RASA3: variants seen among roughly 807,000 people sequenced by gnomAD.
RASA3 encodes the protein RAS p21 protein activator 3, also known as ras GTPase-activating protein 3.
Under a neutral mutation model 110.0 loss-of-function variants are expected in RASA3, and 73 were observed. The ratio of observed to expected loss-of-function variants is 0.66; its 90% CI spans 0.55 to 0.81. The LOEUF (loss-of-function observed/expected upper bound fraction) is 0.81. Among genes scored for constraint, RASA3 ranks in the 30% least tolerant of loss-of-function variants. The pLI is 0.00. For missense variants in RASA3, 976 were observed against 1,113.2 expected (o/e 0.88, Z 1.75); for synonymous variants, 500 against 451.4 (o/e 1.11, Z -1.37).
chr13:113,991,962 T>C (rs952474826), intron 22 of RASA3, among the ~76,000 whole-genome samples: 1 of 151,736 alleles, frequency 6.6e-6, no homozygotes, highest in African/African-American at 2.4e-5. Context: ...CTCACACACG[T>C]CCATTCATGC....
rs775215983 is a variant in RASA3 at position 113,996,693 on chromosome 13, T to C, written c.1979A>G (p.Asn660Ser). 15 of 1,613,832 alleles carry C rather than the reference T, an allele frequency of 9.3e-6. No homozygotes were observed. The African/African-American group carries it at 1.6e-4, about 17-fold the overall frequency. The change falls in exon 21 of 24, where the codon AAC becomes AGC. Residue 660 changes from asparagine to serine, a missense_variant. Around this residue, in one of 4 missense-constraint regions of RASA3, gnomAD observed 109 missense variants for 162.5 expected, o/e 0.67. Coordinates refer to ENST00000334062, the MANE Select transcript of RASA3 (RefSeq NM_007368.4). ...CCAGTCCTTGGCCTCCACGCAGTTGTTGGCCTGGATGTACAGCGCACGCTC... is the reference window on the plus strand; with the variant it reads ...CCAGTCCTTGGCCTCCACGCAGTTGCTGGCCTGGATGTACAGCGCACGCTC... ...QPERALYIQA[N>S]NCVEAKDWID...
intron 18 of RASA3, among the ~76,000 whole-genome samples, chr13:114,002,011 C>T (rs369836046): frequency 1.3e-5 from 2 of 152,268 alleles, no homozygotes; most frequent in African/African-American, 4.8e-5. Context: ...GCAGGGTCCT[C>T]GAACACCCTC....
chr13:114,046,401 C>T (rs540394381), intron 3 of RASA3, among the ~76,000 whole-genome samples: 5 of 152,324 alleles, frequency 3.3e-5, no homozygotes, highest in African/African-American at 1.2e-4. Flanking sequence ...GGGGTGTTGA[C>T]AGTCTCAGCC....
intron 3 of RASA3, among the ~76,000 whole-genome samples, chr13:114,043,170 C>T (rs2054451587): frequency 6.6e-6 from 1 of 152,202 alleles, no homozygotes; most frequent in African/African-American, 2.4e-5. Context: ...TCAGCACCAG[C>T]TCCAGACCCT....
At chr13:114,040,813 C>T (rs1326636350) in intron 4 of RASA3, among the ~76,000 whole-genome samples, 187 bp downstream of exon 4, 1 of 151,920 alleles carries the variant, frequency 6.6e-6, no homozygotes, top group Non-Finnish European at 1.5e-5. Context: ...CACGCACAAC[C>T]CAAAATCCAT....
chr13:114,007,747 C>G (rs912849524), intron 17 of RASA3, 141 bp from the exon 18 acceptor site: 2 of 718,570 alleles, frequency 2.8e-6, no homozygotes, highest in Middle Eastern at 6.9e-4. Flanking sequence ...AGTCCTTCCC[C>G]GAGGGCTGTG....
rs760137044 is a variant in RASA3 at position 114,018,913 on chromosome 13, G to A, written c.792C>T (p.Phe264=). Residue 264 remains phenylalanine (F), a synonymous_variant, in exon 10 of 24, where the codon TTC becomes TTT. Transcript: ENST00000334062. ...RQSSSYEAWY[F]LQPRDNGSKS... ...TGCTACCATTGTCCCGGGGCTGGAG[G>A]AAGTACCTGGGTGGGAGGGACACAT... is the stretch of plus-strand genomic sequence containing the variant. The A allele has an allele frequency of 5.6e-6, 9 of 1,613,584 alleles. No homozygotes were observed. The highest frequency in any genetic ancestry group is 2.7e-5 in the African/African-American group (2 of 74,928).
intron 1 of RASA3, among the ~76,000 whole-genome samples, chr13:114,097,680 T>C (rs2079963942): frequency 6.6e-6 from 1 of 152,218 alleles, no homozygotes; most frequent in Admixed American, 6.5e-5. Flanking sequence ...TCCCAGTCCA[T>C]CTTACAGAAT....
chr13:114,002,161 G>A lies in RASA3; in HGVS notation c.1743-1229C>T, dbSNP rs1364317799. On this transcript the variant is annotated intron_variant, in intron 18 of 23. Transcript: ENST00000334062. ...CAGAGGTGGAAGCTGAGGACGAGAA[G>A]CCAAGCTGGAGAGACAGAGTGGGGA... Among the ~76,000 whole-genome samples the A allele has an allele frequency of 2.6e-5, 4 of 152,260 alleles. No homozygotes were observed. In the East Asian group the frequency reaches 7.7e-4, roughly 29 times the overall value.
chr13:114,107,264 G>A (rs9590438), intron 1 of RASA3, among the ~76,000 whole-genome samples: 6 of 152,188 alleles, frequency 3.9e-5, no homozygotes, highest in Non-Finnish European at 7.4e-5. Context: ...TCTTCGCAGG[G>A]GATGTGGCCT....
intron 1 of RASA3, among the ~76,000 whole-genome samples, chr13:114,095,709 G>A (rs2079933434): frequency 6.6e-6 from 1 of 152,048 alleles, no homozygotes; most frequent in African/African-American, 2.4e-5. Context: ...CAGGATGATG[G>A]GCCCGGCTGT....
intron 1 of RASA3, among the ~76,000 whole-genome samples, chr13:114,097,326 T>G (rs2079959615): frequency 6.6e-6 from 1 of 152,186 alleles, no homozygotes; most frequent in Non-Finnish European, 1.5e-5. Context: ...GCCGCAAGTC[T>G]ACAAGCAGCC....
Position 114,015,342 on chromosome 13 carries a change from G to T in RASA3, c.1282-10C>A. On this transcript the variant is annotated splice_polypyrimidine_tract_variant and intron_variant, in intron 13 of 23. Coordinates refer to ENST00000334062, the MANE Select transcript of RASA3 (RefSeq NM_007368.4). ...ACTGCCGTAGGTTCTCCTGCAACGG[G>T]ACACGGCACTGGGACCCACTCCCGA... 6.2e-7 allele frequency: 1 copy of T among 1,612,410 alleles called. No homozygotes were observed. The highest frequency in any genetic ancestry group is 1.3e-5 in the African/African-American group (1 of 75,056).
chr13:114,022,445 C>G (rs911473460), intron 8 of RASA3, among the ~76,000 whole-genome samples: 2 of 152,310 alleles, frequency 1.3e-5, no homozygotes, highest in African/African-American at 4.8e-5. Flanking sequence ...CACAGTTACA[C>G]GTGGCCAGCC....
intron 20 of RASA3, 45 bp from the exon 21 acceptor site, chr13:113,996,784 G>C: frequency 6.5e-7 from 1 of 1,544,198 alleles, no homozygotes. Context: ...GAGGTCTCGT[G>C]GCTGAGCACG....
intron 1 of RASA3, among the ~76,000 whole-genome samples, chr13:114,090,652 T>C (rs1258830659): frequency 4.6e-5 from 7 of 152,114 alleles, no homozygotes; most frequent in Non-Finnish European, 1.0e-4. Context: ...GAAAAACACC[T>C]CACAGCAGAG....
At chr13:114,128,722 A>C (rs1393308299) in intron 1 of RASA3, among the ~76,000 whole-genome samples, 4 of 152,362 alleles carry the variant, frequency 2.6e-5, no homozygotes, top group African/African-American at 9.6e-5. Flanking sequence ...CCTCACAGGA[A>C]GGGAGCAAGA....
At chr13:113,999,016 G>C (rs938680759) in intron 20 of RASA3, among the ~76,000 whole-genome samples, 4 of 149,452 alleles carry the variant, frequency 2.7e-5, no homozygotes, top group African/African-American at 9.9e-5. Flanking sequence ...GCACGGGCGG[G>C]ACCGTGAAGG....
chr13:114,010,213 C>T (rs2053601585), intron 16 of RASA3, among the ~76,000 whole-genome samples: 1 of 152,192 alleles, frequency 6.6e-6, no homozygotes, highest in Non-Finnish European at 1.5e-5. Flanking sequence ...GCGGGCTGCT[C>T]CTCCAGTGGG....
Sources: allele counts gnomAD v4.1 joint callset (sites outside exome capture counted in the v4.1 genomes callset), GRCh38; gene constraint gnomAD v4.1.1; regional missense constraint gnomAD v4.1.1; transcripts MANE v1.5; gene names NCBI Gene and HGNC (gene_info 2026-07-23, HGNC 2026-07-21).